Variants in PCP4 observed in about 807,000 individuals in gnomAD.
PCP4 encodes the protein calmodulin regulator protein PCP4.
In PCP4, 8 loss-of-function variants were observed where a neutral mutation model predicts 10.0. The ratio of observed to expected loss-of-function variants is 0.80; its 90% CI spans 0.47 to 1.45. PCP4 has a LOEUF of 1.45. PCP4 is among the 40% of genes most tolerant of loss of function. The pLI, the probability that PCP4 is intolerant of heterozygous loss-of-function variation, is 0.00. For synonymous variants in PCP4, 21 were observed against 23.0 expected (o/e 0.91, Z 0.24); for missense variants, 54 against 74.4 (o/e 0.73, Z 1.01).
At chr21:39,920,286 G>GGT (rs55969852) in intron 2 of PCP4, among the ~76,000 whole-genome samples, 74,454 of 142,274 alleles carry the variant, frequency 0.52, 19,447 homozygotes, top group South Asian at 0.65. Flanking sequence ...TAGTGTGTGT[G>GGT]GTGTGTGTGT....
chr21:39,923,368 G>T (rs1049173710), intron 2 of PCP4, among the ~76,000 whole-genome samples: 2 of 152,228 alleles, frequency 1.3e-5, no homozygotes, highest in African/African-American at 4.8e-5. Flanking sequence ...ATTTTGCCCT[G>T]CTTGAGTAAG....
rs139860415 is a variant in PCP4 at position 39,894,940 on chromosome 21, G to A, written c.10-3536G>A. Among the ~76,000 whole-genome samples the A allele has an allele frequency of 3.9e-5, 6 of 152,210 alleles. No homozygotes were observed. The South Asian group carries it at 6.2e-4, about 16-fold the overall frequency. Reference sequence around the variant, plus strand: ...TCACGTCATGAAAAAGAATCTTTTCGTTGGTTGCTTAGAGAATGACCTACC... The same window carrying A: ...TCACGTCATGAAAAAGAATCTTTTCATTGGTTGCTTAGAGAATGACCTACC... On this transcript the variant is annotated intron_variant, in intron 1 of 2. Coordinates refer to ENST00000328619, the MANE Select transcript of PCP4 (RefSeq NM_006198.3).
rs201152917 is a variant in PCP4, at chr21:39,915,230, A to C, written c.62-13754A>C. On this transcript the variant is annotated intron_variant, in intron 2 of 2. Coordinates refer to ENST00000328619, the MANE Select transcript of PCP4 (RefSeq NM_006198.3). ...CTGAATATAAAGGAAGTATTTCTGCAAAAAAAAAAAAATCTCTGGGATTTT... is the reference window on the plus strand; with the variant it reads ...CTGAATATAAAGGAAGTATTTCTGCCAAAAAAAAAAAATCTCTGGGATTTT... 2.9e-4 allele frequency among the ~76,000 whole-genome samples: 4 copies of C among 13,716 alleles called. No individual in the cohort carries two copies. In the East Asian group the frequency reaches 8.7e-3, roughly 30 times the overall value. 9.0% of individuals were successfully genotyped at this position (13,716 alleles called of 152,430 possible).
intron 2 of PCP4, among the ~76,000 whole-genome samples, chr21:39,927,357 C>CTA (rs1568863867): frequency 6.4e-5 from 9 of 140,890 alleles, no homozygotes; most frequent in African/African-American, 2.3e-4. Flanking sequence ...ATCTATCTAT[C>CTA]TATCTATCTA....
chr21:39,880,816 G>A lies in PCP4; in HGVS notation c.9+13306G>A, dbSNP rs79636582. ...ATGTGCAGATAGGAAGTAATTTGGT[G>A]GTGTGACCTTTGGCCATTTGTAAGT... is the stretch of plus-strand genomic sequence containing the variant. On this transcript the variant is annotated intron_variant, in intron 1 of 2. Transcript: ENST00000328619. Among the ~76,000 whole-genome samples the A allele has an allele frequency of 2.6e-3, 403 of 152,276 alleles. 2 individuals are homozygous for A. The highest frequency in any genetic ancestry group is 4.1e-3 in the Non-Finnish European group (282 of 68,020).
intron 1 of PCP4, among the ~76,000 whole-genome samples, chr21:39,879,864 C>T (rs762188255): frequency 3.4e-4 from 52 of 152,240 alleles, no homozygotes; most frequent in Non-Finnish European, 5.4e-4. Context: ...AAAATCAATA[C>T]GATGCCCCTT....
rs115339264 is a variant in PCP4, at chr21:39,926,180, G to A, written c.62-2804G>A. 3.9e-3 allele frequency: 1,486 copies of A among 381,436 alleles called. 17 individuals are homozygous for A. The highest frequency in any genetic ancestry group is 0.029 in the African/African-American group (1,367 of 47,680). The allele number at this position is 381,436 out of a possible 1,614,324, so 23.6% of individuals were successfully genotyped here. Reference sequence around the variant, plus strand: ...TCTCTGAAGTATACAGAAAAGTAGCGATTCCTTAAATGTTAGTGGTTTCTT... The same window carrying A: ...TCTCTGAAGTATACAGAAAAGTAGCAATTCCTTAAATGTTAGTGGTTTCTT... On this transcript the variant is annotated intron_variant, in intron 2 of 2. Coordinates refer to ENST00000328619, the MANE Select transcript of PCP4 (RefSeq NM_006198.3).
At chr21:39,913,587 T>C (rs2087551699) in intron 2 of PCP4, among the ~76,000 whole-genome samples, 1 of 152,170 alleles carries the variant, frequency 6.6e-6, no homozygotes, top group African/African-American at 2.4e-5. Flanking sequence ...TTTCTTGCCA[T>C]GCGTGAAAAG....
At chr21:39,871,265 G>A (rs1339260294) in intron 1 of PCP4, among the ~76,000 whole-genome samples, 1 of 152,224 alleles carries the variant, frequency 6.6e-6, no homozygotes, top group East Asian at 1.9e-4. Flanking sequence ...CGATTGCCCA[G>A]TGGAGGGACT....
At chr21:39,888,178 G>A (rs1353743039) in intron 1 of PCP4, among the ~76,000 whole-genome samples, 1 of 152,178 alleles carries the variant, frequency 6.6e-6, no homozygotes, top group Non-Finnish European at 1.5e-5. Flanking sequence ...GGGGATAGAC[G>A]CTGTTAAGTA....
intron 2 of PCP4, among the ~76,000 whole-genome samples, chr21:39,907,190 A>G (rs1014657991): frequency 6.6e-6 from 1 of 152,180 alleles, no homozygotes; most frequent in Admixed American, 6.5e-5. Flanking sequence ...CTCAAAGAGT[A>G]GATCTCCCTC....
At chr21:39,912,993 T>C (rs938387642) in intron 2 of PCP4, among the ~76,000 whole-genome samples, 1 of 152,164 alleles carries the variant, frequency 6.6e-6, no homozygotes, top group Non-Finnish European at 1.5e-5. Flanking sequence ...ACTTGTTGCT[T>C]AAAACTAACA....
At chr21:39,912,602 T>TA (rs1207542242) in intron 2 of PCP4, among the ~76,000 whole-genome samples, 8 of 152,088 alleles carry the variant, frequency 5.3e-5, no homozygotes, top group South Asian at 2.1e-4. Context: ...TGAACCAATA[T>TA]AAAAAAAGTC....
At chr21:39,867,541 C>A (rs1568847338) in intron 1 of PCP4, 31 bp downstream of exon 1, 1 of 1,611,294 alleles carries the variant, frequency 6.2e-7, no homozygotes. Context: ...GAGAGGGAAA[C>A]TTAGGAGTGA....
At chr21:39,907,789 T>C (rs1397406468) in intron 2 of PCP4, among the ~76,000 whole-genome samples, 3 of 146,090 alleles carry the variant, frequency 2.1e-5, no homozygotes, top group Non-Finnish European at 4.6e-5. Flanking sequence ...AGAGTGAGAC[T>C]CTGTCTCAAA....
At position 39,898,045 on chromosome 21, in the gene PCP4, C is replaced by CAAAA. The variant is rs780273912; in HGVS notation, c.10-412_10-409dup. ...TGGATGACAGAGCCAGACTCAGTCTCAAAAAAAAAAAAAAAAAAAAAAGAA... is the reference window on the plus strand; with the variant it reads ...TGGATGACAGAGCCAGACTCAGTCTCAAAAAAAAAAAAAAAAAAAAAAAAAAGAA... On this transcript the variant is annotated intron_variant, in intron 1 of 2. Transcript: ENST00000328619. Among the ~76,000 whole-genome samples the CAAAA allele has an allele frequency of 5.1e-3, 375 of 73,740 alleles. 5 individuals carry two copies. Among genetic ancestry groups the CAAAA allele is most frequent in the African/African-American group, 0.014 (277 of 20,346 alleles). The allele number at this position is 73,740 out of a possible 152,430, so 48.4% of individuals were successfully genotyped here.
intron 1 of PCP4, 39 bp downstream of exon 1, chr21:39,867,549 T>C: frequency 6.2e-7 from 1 of 1,605,520 alleles, no homozygotes; most frequent in Non-Finnish European, 8.5e-7. Context: ...AACTTAGGAG[T>C]GAGAAGGGAC....
chr21:39,872,420 A>G (rs2087324958), intron 1 of PCP4, among the ~76,000 whole-genome samples: 1 of 152,198 alleles, frequency 6.6e-6, no homozygotes, highest in South Asian at 2.1e-4. Flanking sequence ...ACATTGAACT[A>G]TTTGGACGCA....
At chr21:39,872,945 G>A (rs927911559) in intron 1 of PCP4, among the ~76,000 whole-genome samples, 8 of 152,198 alleles carry the variant, frequency 5.3e-5, no homozygotes, top group African/African-American at 1.9e-4. Flanking sequence ...GTGCTCTCAT[G>A]ACAGTAAAAG....
Sources: gnomAD v4.1 joint callset for allele counts (sites outside exome capture counted in the v4.1 genomes callset) on GRCh38, gnomAD v4.1.1 for gene constraint, MANE v1.5 for transcripts, NCBI Gene and HGNC (gene_info 2026-07-23, HGNC 2026-07-21) for gene names.